Variants in GALNTL6 observed in about 807,000 individuals in gnomAD.
The protein encoded by GALNTL6 is polypeptide N-acetylgalactosaminyltransferase-like 6.
GALNTL6 carries 46 observed loss-of-function variants against 73.7 expected under a neutral mutation model. The observed-to-expected ratio is 0.62, with a 90% CI of 0.49 to 0.80. The LOEUF (loss-of-function observed/expected upper bound fraction) is 0.80, where lower values mean the gene tolerates loss of function less well. GALNTL6 is among the 30% of genes least tolerant of loss of function. The probability of loss-of-function intolerance (pLI) is 0.00; values close to 1 mark genes in which losing one functional copy is unlikely to be tolerated. For missense variants in GALNTL6, 604 were observed against 755.0 expected (o/e 0.80, Z 2.34); for synonymous variants, 259 against 263.7 (o/e 0.98, Z 0.17).
chr4:172,189,620 C>A (rs1204297383), intron 2 of GALNTL6, among the ~76,000 whole-genome samples: 2 of 152,098 alleles, frequency 1.3e-5, no homozygotes, highest in Admixed American at 1.3e-4. Flanking sequence ...TTTTTAAATT[C>A]TTTCATTAGT....
At chr4:172,248,918 T>C (rs969310843) in intron 3 of GALNTL6, among the ~76,000 whole-genome samples, 3 of 152,190 alleles carry the variant, frequency 2.0e-5, no homozygotes, top group African/African-American at 7.2e-5. Context: ...ATTTCCTTTG[T>C]AAATTACCCA....
chr4:172,686,507 G>C (rs1732927589), intron 5 of GALNTL6, among the ~76,000 whole-genome samples: 1 of 152,182 alleles, frequency 6.6e-6, no homozygotes, highest in South Asian at 2.1e-4. Flanking sequence ...CTATAAAGGT[G>C]AGAATGCAAG....
chr4:171,921,222 A>T (rs949050946), intron 2 of GALNTL6, among the ~76,000 whole-genome samples: 3 of 152,094 alleles, frequency 2.0e-5, no homozygotes, highest in Non-Finnish European at 4.4e-5. Flanking sequence ...AGCAGAAAAG[A>T]ATTACTATGA....
At chr4:172,089,964 T>C (rs1241295746) in intron 2 of GALNTL6, among the ~76,000 whole-genome samples, 1 of 152,196 alleles carries the variant, frequency 6.6e-6, no homozygotes, top group Non-Finnish European at 1.5e-5. Flanking sequence ...TAGTTTTCTG[T>C]TCCTGTGTTA....
intron 5 of GALNTL6, among the ~76,000 whole-genome samples, chr4:172,551,057 T>G (rs1425799936): frequency 1.3e-5 from 2 of 152,158 alleles, no homozygotes; most frequent in African/African-American, 2.4e-5. Flanking sequence ...GGTGCTAGAG[T>G]GAAGACTGAG....
intron 3 of GALNTL6, among the ~76,000 whole-genome samples, chr4:172,257,161 T>A (rs1738108833): frequency 6.6e-6 from 1 of 151,480 alleles, no homozygotes; most frequent in African/African-American, 2.4e-5. Context: ...CTTACTTAAA[T>A]ATAATCCTAA....
chr4:172,745,430 C>CATAT (rs960280899), intron 5 of GALNTL6, among the ~76,000 whole-genome samples: 3 of 107,390 alleles, frequency 2.8e-5, no homozygotes, highest in East Asian at 4.2e-4. Context: ...CTTTTCAAAA[C>CATAT]ATATATATAT....
chr4:172,889,790 C>T (rs1397151407), intron 8 of GALNTL6, among the ~76,000 whole-genome samples: 1 of 152,026 alleles, frequency 6.6e-6, no homozygotes, highest in African/African-American at 2.4e-5. Context: ...AGAGAGGAGT[C>T]CTTCCTTGTT....
At chr4:172,426,208 C>A (rs922274155) in intron 5 of GALNTL6, among the ~76,000 whole-genome samples, 2 of 152,070 alleles carry the variant, frequency 1.3e-5, no homozygotes, top group Non-Finnish European at 2.9e-5. Flanking sequence ...GTATCTTGTA[C>A]ATAGTGGCTT....
At chr4:172,498,077 G>A (rs1014102114) in intron 5 of GALNTL6, among the ~76,000 whole-genome samples, 7 of 137,170 alleles carry the variant, frequency 5.1e-5, no homozygotes, top group African/African-American at 8.3e-5. Context: ...TGTAACCTCC[G>A]CCTCCCAGGT....
At chr4:171,876,146 G>T (rs1483518134) in intron 2 of GALNTL6, among the ~76,000 whole-genome samples, 1 of 152,042 alleles carries the variant, frequency 6.6e-6, no homozygotes, top group Admixed American at 6.6e-5. Context: ...CAAGGCTGTG[G>T]CTTCTCTGTT....
intron 5 of GALNTL6, among the ~76,000 whole-genome samples, chr4:172,597,989 G>T (rs1047113706): frequency 1.3e-5 from 2 of 151,298 alleles, no homozygotes; most frequent in African/African-American, 2.4e-5. Flanking sequence ...GAATTCTGCT[G>T]CTTCAGATCT....
At chr4:172,361,852 T>C (rs939413130) in intron 5 of GALNTL6, among the ~76,000 whole-genome samples, 1 of 152,172 alleles carries the variant, frequency 6.6e-6, no homozygotes, top group African/African-American at 2.4e-5. Context: ...GGCTTTCCCT[T>C]TACTAGCTGT....
chr4:172,110,747 A>G (rs1732827320), intron 2 of GALNTL6, among the ~76,000 whole-genome samples: 1 of 152,176 alleles, frequency 6.6e-6, no homozygotes, highest in Non-Finnish European at 1.5e-5. Context: ...GCATACCTAC[A>G]GAAAGGATAT....
chr4:172,878,157 T>A (rs1016154954), intron 7 of GALNTL6, among the ~76,000 whole-genome samples: 1 of 151,982 alleles, frequency 6.6e-6, no homozygotes, highest in Non-Finnish European at 1.5e-5. Context: ...TTATCTGTAA[T>A]GAATGAGGGA....
chr4:172,043,871 C>T (rs2110845029), intron 2 of GALNTL6, among the ~76,000 whole-genome samples: 1 of 152,142 alleles, frequency 6.6e-6, no homozygotes, highest in South Asian at 2.1e-4. Context: ...TAAATGTTCG[C>T]TTTAAATGTC....
At position 172,373,381 on chromosome 4, in the gene GALNTL6, T is replaced by C. The variant is rs185433470; in HGVS notation, c.553+24692T>C. Among the ~76,000 whole-genome samples, 172 of 152,332 alleles carry C rather than the reference T, an allele frequency of 1.1e-3. 1 individual carries two copies. Among genetic ancestry groups the C allele is most frequent in the Non-Finnish European group, 1.9e-4 (13 of 68,036 alleles). On this transcript the variant is annotated intron_variant, in intron 5 of 12. Transcript: ENST00000506823. ...TGGATATAGAGGAGTTACTGCCTCATTGGTGAGTCTAAGATCTTGCACTAG... is the reference window on the plus strand; with the variant it reads ...TGGATATAGAGGAGTTACTGCCTCACTGGTGAGTCTAAGATCTTGCACTAG...
At chr4:172,489,989 G>A (rs985609964) in intron 5 of GALNTL6, among the ~76,000 whole-genome samples, 3 of 152,164 alleles carry the variant, frequency 2.0e-5, no homozygotes, top group Admixed American at 2.0e-4. Context: ...TCCAACATAG[G>A]CAACTAGTAG....
At chr4:172,173,087 C>T (rs1002384537) in intron 2 of GALNTL6, among the ~76,000 whole-genome samples, 8 of 152,102 alleles carry the variant, frequency 5.3e-5, no homozygotes, top group Non-Finnish European at 8.8e-5. Flanking sequence ...CATTTGATGT[C>T]ATTTGTTCTC....
Sources: allele counts gnomAD v4.1 joint callset (sites outside exome capture counted in the v4.1 genomes callset), GRCh38; gene constraint gnomAD v4.1.1; transcripts MANE v1.5; gene names NCBI Gene and HGNC (gene_info 2026-07-23, HGNC 2026-07-21).